The following NIN variants were observed in gnomAD, a reference collection of about 807,000 sequenced individuals.
NIN encodes glycogen synthase kinase 3 beta-interacting protein.
A neutral mutation model predicts 257.6 loss-of-function variants in NIN; 137 were observed. The observed-to-expected ratio is 0.53, with a 90% confidence interval of 0.46 to 0.61. The LOEUF (loss-of-function observed/expected upper bound fraction) is 0.61, where lower values mean the gene tolerates loss of function less well. NIN is among the 20% of genes least tolerant of loss of function. The pLI, the probability that NIN is intolerant of heterozygous loss-of-function variation, is 0.00. For synonymous variants in NIN, 918 were observed against 919.8 expected, an observed-to-expected ratio of 1.00 and a Z score of 0.04; for missense variants, 2,439 against 2,501.2, an observed-to-expected ratio of 0.98 and a Z score of 0.53.
At chr14:50,724,725 C>T (rs999674752) in intron 30 of NIN, among the ~76,000 whole-genome samples, 1 of 152,180 alleles carries the variant, frequency 6.6e-6, no homozygotes, top group Admixed American at 6.5e-5. Flanking sequence ...AGTGTTTATA[C>T]GTGTCCACAC....
intron 3 of NIN, 137 bp downstream of exon 3, chr14:50,821,737 C>T: frequency 2.8e-6 from 2 of 710,610 alleles, no homozygotes; most frequent in South Asian, 3.4e-5. Flanking sequence ...ATGTCACACC[C>T]ATTACATTCT....
chr14:50,771,614 A>G (rs2042735807), intron 9 of NIN, 146 bp from the exon 10 acceptor site: 1 of 817,934 alleles, frequency 1.2e-6, no homozygotes, highest in African/African-American at 1.7e-5. Context: ...TTGCTTAGGA[A>G]CAGCCATCAG....
At chr14:50,732,941 C>G (rs1457808323) in intron 28 of NIN, among the ~76,000 whole-genome samples, 1 of 151,658 alleles carries the variant, frequency 6.6e-6, no homozygotes, top group Non-Finnish European at 1.5e-5. Context: ...TAGGAGAGAT[C>G]AGGGAACTCC....
chr14:50,810,003 G>A (rs915679875), intron 3 of NIN, among the ~76,000 whole-genome samples: 9 of 152,046 alleles, frequency 5.9e-5, no homozygotes, highest in African/African-American at 1.5e-4. Context: ...AGGCCAAGGC[G>A]GGTGGATCAC....
intron 2 of NIN, chr14:50,823,451 C>A: frequency 3.2e-6 from 1 of 309,582 alleles, no homozygotes; most frequent in Non-Finnish European, 6.6e-6. Context: ...ACATGAAAAA[C>A]GTAAGCTAAG....
At chr14:50,765,824 G>T (rs2042457271) in intron 14 of NIN, among the ~76,000 whole-genome samples, 1 of 145,322 alleles carries the variant, frequency 6.9e-6, no homozygotes, top group Admixed American at 7.0e-5. Context: ...GAATAATAAT[G>T]TTAATAGCTA....
intron 5 of NIN, among the ~76,000 whole-genome samples, chr14:50,780,511 T>C (rs2043092700): frequency 6.6e-6 from 1 of 152,222 alleles, no homozygotes; most frequent in Non-Finnish European, 1.5e-5. Context: ...TTCATTCAAG[T>C]TAATACGAGT....
At chr14:50,729,483 A>G (rs2040583374) in intron 29 of NIN, 40 bp downstream of exon 29, 14 of 1,567,420 alleles carry the variant, frequency 8.9e-6, no homozygotes, top group Non-Finnish European at 1.2e-5. Context: ...AAACAGGTAA[A>G]ATTAACAGGT....
intron 3 of NIN, among the ~76,000 whole-genome samples, chr14:50,817,872 C>T (rs1328893365): frequency 1.3e-5 from 2 of 152,022 alleles, no homozygotes; most frequent in African/African-American, 2.4e-5. Context: ...CCCACTGCCA[C>T]GCCGGCTAAT....
chr14:50,755,961 G>A (rs2042006773), intron 18 of NIN, among the ~76,000 whole-genome samples: 1 of 152,082 alleles, frequency 6.6e-6, no homozygotes, highest in Non-Finnish European at 1.5e-5. Flanking sequence ...AAGCCATGGT[G>A]CCTGACCATT....
chr14:50,720,451 G>C lies in NIN; in HGVS notation c.*3012C>G. 1 of 211,184 alleles carries C rather than the reference G, an allele frequency of 4.7e-6. No homozygotes were observed. The highest frequency in any genetic ancestry group is 9.6e-6 in the Non-Finnish European group (1 of 103,956). 13.1% of individuals were successfully genotyped at this position (211,184 alleles called of 1,614,324 possible). On this transcript the variant is annotated 3_prime_UTR_variant, in exon 31 of 31. Transcript: ENST00000530997. ...AAGTCTGCCATAAACCCTTAGAGAA[G>C]AAACAGTTTCTCATAATATCTGCCC...
chr14:50,791,717 T>C (rs74748466), intron 5 of NIN, among the ~76,000 whole-genome samples: 1,653 of 152,204 alleles, frequency 0.011, 27 homozygotes, highest in Non-Finnish European at 0.016. Context: ...GGATGTCTGA[T>C]TGCTGGGGCC....
At position 50,757,420 on chromosome 14, in the gene NIN, G is replaced by A; in HGVS notation, c.3610C>T (p.Gln1204Ter). 2 of 1,614,144 alleles carry A rather than the reference G, an allele frequency of 1.2e-6. No individual in the cohort carries two copies. The highest frequency in any genetic ancestry group is 1.7e-6 in the Non-Finnish European group (2 of 1,180,030). The change falls in exon 18 of 31, where the codon CAG becomes TAG. Residue 1204 changes from glutamine (Q) to a stop codon, truncating the protein, a stop_gained. Transcript: ENST00000530997. LOFTEE classifies it high-confidence loss of function. Reference sequence around the variant, plus strand: ...GCACATAACATCATTAGCTGTTCCTGAAGCTGACTAATCTGATTCTTCAGC... The same window carrying A: ...GCACATAACATCATTAGCTGTTCCTAAAGCTGACTAATCTGATTCTTCAGC... The part of the protein sequence containing the change: ...WELKNQISQL[Q>*]EQLMMLCADC...
chr14:50,792,994 T>C (rs1379013736), intron 4 of NIN, 113 bp from the exon 5 acceptor site: 1 of 1,057,442 alleles, frequency 9.5e-7, no homozygotes, highest in Non-Finnish European at 1.4e-6. Context: ...AAACCACCAC[T>C]GTTTGCCAAT....
intron 5 of NIN, among the ~76,000 whole-genome samples, chr14:50,789,157 A>G (rs2043469670): frequency 1.3e-5 from 2 of 152,008 alleles, no homozygotes; most frequent in South Asian, 4.2e-4. Flanking sequence ...CTCTTTCCAC[A>G]TTGCCTGGTA....
Position 50,752,577 on chromosome 14 carries a change from C to G in NIN, c.4891G>C (p.Glu1631Gln). 6.2e-7 allele frequency: 1 copy of G among 1,614,124 alleles called. No homozygotes were observed. Among genetic ancestry groups the G allele is most frequent in the Non-Finnish European group, 8.5e-7 (1 of 1,179,984 alleles). The change falls in exon 21 of 31, where the codon GAG (glutamate) becomes CAG (glutamine). Residue 1631 changes from glutamate to glutamine, a missense_variant. By Grantham distance (29) the Glu-to-Gln change is conservative. Transcript: ENST00000530997. ...TTAAACTTCTCTTGTTCCCGTTCCT[C>G]CAATGCACTGTTTCCTGGCTCTTTT... ...KEKEPGNSAL[E>Q]EREQEKFNLK... is the part of the protein sequence containing the mutation.
At position 50,735,541 on chromosome 14, in the gene NIN, AC is replaced by A; in HGVS notation, c.5851del (p.Val1951Ter). On this transcript the variant is annotated frameshift_variant, in exon 28 of 31. Coordinates refer to ENST00000530997, the MANE Select transcript of NIN (RefSeq NM_020921.4). LOFTEE classifies it high-confidence loss of function. ...LENEGLKKKQ[V>X]KLDEQLMEMQ... ...CTCCATGAGCTGCTCATCCAGTTTT[AC>A]TTGTTTCTTTTTCAGGCCTTCATTT... The A allele has an allele frequency of 6.2e-7, 1 of 1,613,144 alleles. No individual in the cohort carries two copies. The highest frequency in any genetic ancestry group is 8.5e-7 in the Non-Finnish European group (1 of 1,179,964).
chr14:50,735,580 G>T lies in NIN; in HGVS notation c.5813C>A (p.Thr1938Lys), dbSNP rs1355676031. Residue 1938 changes from threonine (T) to lysine (K), a missense_variant, in exon 28 of 31, where the codon ACA becomes AAA. Transcript: ENST00000530997. ...CAGGCCTTCATTTTCCAAATGAATT[G>T]TTTCTAATTCTTGTTCAAGGGAATT... ...QMNSLEQELE[T>K]IHLENEGLKK... 6.2e-7 allele frequency: 1 copy of T among 1,612,328 alleles called. No individual in the cohort carries two copies. Among genetic ancestry groups the T allele is most frequent in the Admixed American group, 1.7e-5 (1 of 59,970 alleles).
chr14:50,821,040 T>C (rs1324650830), intron 3 of NIN, among the ~76,000 whole-genome samples: 1 of 152,220 alleles, frequency 6.6e-6, no homozygotes, highest in Non-Finnish European at 1.5e-5. Flanking sequence ...AGCAACAGAC[T>C]GCAAAAAGTG....
Sources: allele counts gnomAD v4.1 joint callset (sites outside exome capture counted in the v4.1 genomes callset), GRCh38; gene constraint gnomAD v4.1.1; transcripts MANE v1.5; gene names NCBI Gene and HGNC (gene_info 2026-07-23, HGNC 2026-07-21).